SPATA22: variants seen among roughly 807,000 people sequenced by gnomAD.
The protein encoded by SPATA22 is spermatogenesis associated 22, also known as spermatogenesis-associated protein 22.
In SPATA22, 29 loss-of-function variants were observed where a neutral mutation model predicts 47.8. The observed-to-expected ratio is 0.61, with a 90% CI of 0.45 to 0.83. The LOEUF is 0.83. Ranked by LOEUF, SPATA22 falls within the 40% of genes least tolerant of loss-of-function variation. The probability of loss-of-function intolerance (pLI) is 0.00; values close to 1 mark genes in which losing one functional copy is unlikely to be tolerated. For missense variants in SPATA22, 410 were observed against 421.7 expected, an observed-to-expected ratio of 0.97 and a Z score of 0.24; for synonymous variants, 133 against 140.9, an observed-to-expected ratio of 0.94 and a Z score of 0.40.
At position 3,449,107 on chromosome 17, in the gene SPATA22, A is replaced by G. The variant is rs773376243; in HGVS notation, c.372T>C (p.Asn124=). The change falls in exon 6 of 9, where the codon AAT becomes AAC. Residue 124 remains asparagine (N), a synonymous_variant. Transcript: ENST00000572969. ...TACATTGAGGCTTAAAATCATTTTT[A>G]TTCCAAGTTTTCAAGCTGGTATTTT... ...GNKNTSLKTW[N]KNDFKPQCKR... is the part of the protein sequence containing the mutation. 1 of 1,609,898 alleles carries G rather than the reference A, an allele frequency of 6.2e-7. No homozygotes were observed. Among genetic ancestry groups the G allele is most frequent in the South Asian group, 1.1e-5 (1 of 89,982 alleles).
chr17:3,479,679 A>G (rs2073594141), intron 1 of SPATA22, among the ~76,000 whole-genome samples: 2 of 152,084 alleles, frequency 1.3e-5, no homozygotes, highest in Middle Eastern at 3.4e-3. Flanking sequence ...CCAGTGCACT[A>G]TCTCAAGATG....
intron 5 of SPATA22, among the ~76,000 whole-genome samples, chr17:3,456,145 A>G (rs935232389): frequency 3.9e-5 from 6 of 152,222 alleles, no homozygotes; most frequent in African/African-American, 7.2e-5. Flanking sequence ...GAACTAGAAA[A>G]GAAAAAGCGA....
At chr17:3,494,079 C>T (rs948762998) in intron 1 of SPATA22, among the ~76,000 whole-genome samples, 1 of 149,896 alleles carries the variant, frequency 6.7e-6, no homozygotes, top group Non-Finnish European at 1.5e-5. Context: ...TCTTGTTGCC[C>T]AGGTTGGAGT....
chr17:3,508,897 T>TAAAAAAAAAAA (rs59201485), intron 1 of SPATA22, among the ~76,000 whole-genome samples: 1 of 112,996 alleles, frequency 8.8e-6, no homozygotes, highest in African/African-American at 3.7e-5. Flanking sequence ...GCTTAAAGTA[T>TAAAAAAAAAAA]AAAAAAAAAA....
At chr17:3,469,687 A>T (rs1473668934) in intron 1 of SPATA22, among the ~76,000 whole-genome samples, 1 of 152,172 alleles carries the variant, frequency 6.6e-6, no homozygotes, top group African/African-American at 2.4e-5. Context: ...AGAATTCTGA[A>T]CCACACCTAC....
intron 1 of SPATA22, chr17:3,489,188 T>C (rs765354678): frequency 1.0e-5 from 12 of 1,146,266 alleles, no homozygotes; most frequent in African/African-American, 1.5e-5. Flanking sequence ...TTTTATAATA[T>C]ATTTTCATAC....
At chr17:3,474,057 G>A (rs183996105), upstream of SPATA22, 10 of 152,182 alleles carry the variant, frequency 6.6e-5, no homozygotes, top group African/African-American at 7.2e-5. Flanking sequence ...AAAATCTTTC[G>A]GAAGTTAACT....
chr17:3,445,225 C>A (rs537036232), intron 7 of SPATA22, among the ~76,000 whole-genome samples: 1 of 152,236 alleles, frequency 6.6e-6, no homozygotes, highest in South Asian at 2.1e-4. Context: ...CTAGCTCTGA[C>A]AGAAAACTGA....
At chr17:3,440,387 A>G (rs2150689445) in intron 8 of SPATA22, 49 bp from the exon 9 acceptor site, 1 of 1,442,572 alleles carries the variant, frequency 6.9e-7, no homozygotes, top group Non-Finnish European at 9.3e-7. Flanking sequence ...CTTCATCTGA[A>G]TTTCAATTTT....
rs1567613231 is a variant in SPATA22 at position 3,485,933 on chromosome 17, CCT to C, written c.-73-16537_-73-16536del. Among the ~76,000 whole-genome samples the C allele has an allele frequency of 1.0e-5, 1 of 96,282 alleles. No individual in the cohort carries two copies. Among genetic ancestry groups the C allele is most frequent in the Admixed American group, 1.2e-4 (1 of 8,662 alleles). 63.2% of individuals were successfully genotyped at this position (96,282 alleles called of 152,430 possible). On this transcript the variant is annotated intron_variant, in intron 1 of 8. Transcript: ENST00000541913. This position sits in a 1 kb window ranked among gnomAD's most constrained non-coding sequence, Gnocchi z 4.4. Reference sequence around the variant, plus strand: ...CCAGTGGTTGCATTCTAGGAGGGAACCTTTTTTTTTTTTTTTGAGACGGAGTT... The same window carrying C: ...CCAGTGGTTGCATTCTAGGAGGGAACTTTTTTTTTTTTTTGAGACGGAGTT...
Position 3,462,505 on chromosome 17 carries a change from C to T in SPATA22, c.307G>A (p.Gly103Arg), listed in dbSNP as rs756177153. The change falls in exon 5 of 9, where the codon GGA becomes AGA. Residue 103 changes from glycine to arginine, a missense_variant. Gly to Arg is a moderately radical substitution (Grantham distance 125, BLOSUM62 -2). Coordinates refer to ENST00000572969, the MANE Select transcript of SPATA22 (RefSeq NM_001170698.2). ...SVFNSIQSNT[G>R]RSQGGWSYRD... The stretch of plus-strand genomic sequence containing the variant: ...CACCTCCAACCACCCTGGCTTCTTC[C>T]AGTATTTGATTGAATAGAGTTAAAG... 1.0e-5 allele frequency: 16 copies of T among 1,606,930 alleles called. No individual in the cohort carries two copies. The highest frequency in any genetic ancestry group is 1.0e-5 in the Non-Finnish European group (12 of 1,177,968).
At chr17:3,473,608 C>T (rs1055265295), upstream of SPATA22, among the ~76,000 whole-genome samples, 22 of 152,314 alleles carry the variant, frequency 1.4e-4, no homozygotes, top group Admixed American at 1.4e-3. Context: ...AAGTGATTCT[C>T]CTGCCTCAGC....
At chr17:3,470,328 C>A (rs2073399492) in intron 1 of SPATA22, among the ~76,000 whole-genome samples, 1 of 152,150 alleles carries the variant, frequency 6.6e-6, no homozygotes, top group Admixed American at 6.5e-5. Context: ...AAGATACAAA[C>A]CCAAACCAGG....
upstream of SPATA22, chr17:3,471,896 C>T: frequency 1.0e-6 from 1 of 983,610 alleles, no homozygotes; most frequent in Non-Finnish European, 1.2e-6. Context: ...CGCTGCCTGC[C>T]TGGCCGCCCT....
At chr17:3,493,854 C>T (rs2073866082) in intron 1 of SPATA22, among the ~76,000 whole-genome samples, 1 of 152,112 alleles carries the variant, frequency 6.6e-6, no homozygotes, top group Admixed American at 6.6e-5. Context: ...CTACCTCTGG[C>T]CGTCGGCGTG....
At chr17:3,466,980 C>T (rs543455638) in intron 3 of SPATA22, among the ~76,000 whole-genome samples, 5 of 152,312 alleles carry the variant, frequency 3.3e-5, no homozygotes, top group South Asian at 2.1e-4. Context: ...AAAAAGACTA[C>T]GGCCAGGCAC....
chr17:3,471,434 C>G (rs146848166), intron 1 of SPATA22: 1 of 985,416 alleles, frequency 1.0e-6, no homozygotes, highest in African/African-American at 1.7e-5. Flanking sequence ...CATTTACCCC[C>G]AATCCCAGCT....
chr17:3,454,193 A>C (rs1226959473), intron 5 of SPATA22, among the ~76,000 whole-genome samples: 6 of 151,384 alleles, frequency 4.0e-5, no homozygotes, highest in Non-Finnish European at 7.4e-5. Context: ...ACACTAAAAA[A>C]TATAAAACAG....
chr17:3,513,747 C>A, exon 1 of SPATA22: 1 of 533,730 alleles, frequency 1.9e-6, no homozygotes. Flanking sequence ...GACAAATTGA[C>A]AACTGCCCCT....
Sources: gnomAD v4.1 joint callset for allele counts (sites outside exome capture counted in the v4.1 genomes callset) on GRCh38, gnomAD v4.1.1 for gene constraint, Gnocchi (gnomAD v3.1) non-coding constraint, MANE v1.5 for transcripts, NCBI Gene and HGNC (gene_info 2026-07-23, HGNC 2026-07-21) for gene names.